Variants in MOB1A observed in about 807,000 individuals in gnomAD.
The protein encoded by MOB1A is MOB1 Mps One Binder homolog A.
In MOB1A, 10 loss-of-function variants were observed where a neutral mutation model predicts 25.1. The observed-to-expected ratio is 0.40, with a 90% CI of 0.25 to 0.68. MOB1A has a LOEUF of 0.68. Ranked by LOEUF, MOB1A falls within the 30% of genes least tolerant of loss-of-function variation. The pLI is 0.40. For missense variants in MOB1A, 177 were observed against 256.3 expected, an observed-to-expected ratio of 0.69 and a Z score of 2.11; for synonymous variants, 81 against 79.5, an observed-to-expected ratio of 1.02 and a Z score of -0.10.
intron 4 of MOB1A, among the ~76,000 whole-genome samples, chr2:74,160,486 C>T (rs946528609): frequency 6.6e-6 from 1 of 152,128 alleles, no homozygotes; most frequent in Non-Finnish European, 1.5e-5. Flanking sequence ...AGGTCAAGAC[C>T]AGCCTGGCCA....
chr2:74,166,995 TA>T lies in MOB1A; in HGVS notation c.275+18del. The T allele has an allele frequency of 1.9e-6, 3 of 1,563,420 alleles. No individual in the cohort carries two copies. Among genetic ancestry groups the T allele is most frequent in the Non-Finnish European group, 2.6e-6 (3 of 1,137,758 alleles). ...AGTAAAACTAATCCAAACACCTATA[TA>T]ATAGGCAGTATATGTACCTCGGACC... On this transcript the variant is annotated intron_variant, in intron 3 of 5. Transcript: ENST00000396049.
intron 3 of MOB1A, 82 bp from the exon 4 acceptor site, chr2:74,165,433 C>T (rs1407468269): frequency 1.2e-6 from 1 of 829,964 alleles, no homozygotes; most frequent in African/African-American, 1.8e-5. Context: ...GGTTCATTCA[C>T]ATTTTGTCAA....
chr2:74,178,730 C>T lies in MOB1A; in HGVS notation c.-56G>A, dbSNP rs1284207996. The T allele has an allele frequency of 8.3e-6, 8 of 965,358 alleles. No homozygotes were observed. Among genetic ancestry groups the T allele is most frequent in the Non-Finnish European group, 8.0e-6 (6 of 753,092 alleles). 59.8% of individuals were successfully genotyped at this position (965,358 alleles called of 1,614,324 possible). ...CCTGGCCCCCGCCTGGATCAGGATT[C>T]GGAGCTGGCTAGAGGGAGCGGACCG... On this transcript the variant is annotated 5_prime_UTR_variant, in exon 1 of 6. Transcript: ENST00000396049.
At chr2:74,168,929 G>T (rs1558836197) in intron 2 of MOB1A, among the ~76,000 whole-genome samples, 1 of 152,180 alleles carries the variant, frequency 6.6e-6, no homozygotes, top group Non-Finnish European at 1.5e-5. Flanking sequence ...TCTGAGGGAG[G>T]ATCTGTAAGG....
intron 1 of MOB1A, among the ~76,000 whole-genome samples, chr2:74,177,048 C>A (rs1268085366): frequency 6.6e-6 from 1 of 152,030 alleles, no homozygotes; most frequent in East Asian, 1.9e-4. Context: ...TCAAGAAGGC[C>A]AAGTTTTAAA....
chr2:74,162,984 C>T (rs1009789893), intron 4 of MOB1A, among the ~76,000 whole-genome samples: 16 of 152,146 alleles, frequency 1.1e-4, no homozygotes, highest in Non-Finnish European at 2.2e-4. Flanking sequence ...TCGTTAAGAA[C>T]AATTTTTGTA....
rs1474044750 is a variant in MOB1A at position 74,165,309 on chromosome 2, T to C, written c.318A>G (p.Pro106=). The C allele has an allele frequency of 6.3e-7, 1 of 1,584,094 alleles. No homozygotes were observed. Among genetic ancestry groups the C allele is most frequent in the Non-Finnish European group, 8.6e-7 (1 of 1,164,402 alleles). ...TGTATTTTGGTGCAGAACATTTGAT[T>C]GGCTTTTTAATATTAGTACCATCTG... ...HWADGTNIKK[P]IKCSAPKYID... The change falls in exon 4 of 6, where the codon CCA becomes CCG. Residue 106 remains proline, a synonymous_variant. Coordinates refer to ENST00000396049, the MANE Select transcript of MOB1A (RefSeq NM_018221.5).
chr2:74,169,229 C>T (rs1041901584), intron 2 of MOB1A, among the ~76,000 whole-genome samples: 1 of 152,166 alleles, frequency 6.6e-6, no homozygotes, highest in Non-Finnish European at 1.5e-5. Flanking sequence ...GGGCCGGGTG[C>T]AGTGGCTCAC....
chr2:74,158,202 G>GAAAA (rs11394713), intron 5 of MOB1A, among the ~76,000 whole-genome samples: 1 of 135,982 alleles, frequency 7.4e-6, no homozygotes. Flanking sequence ...AAAGAGGGGG[G>GAAAA]AAAAAAAAAA....
At chr2:74,158,650 G>A (rs761189545) in intron 5 of MOB1A, among the ~76,000 whole-genome samples, 1 of 151,866 alleles carries the variant, frequency 6.6e-6, no homozygotes, top group Non-Finnish European at 1.5e-5. Context: ...GTGGTGGTGG[G>A]CACCTGTAAT....
Position 74,165,288 on chromosome 2 carries a change from T to G in MOB1A, c.339A>C (p.Lys113Asn). 6.3e-7 allele frequency: 1 copy of G among 1,584,660 alleles called. No homozygotes were observed. Among genetic ancestry groups the G allele is most frequent in the Non-Finnish European group, 8.6e-7 (1 of 1,163,786 alleles). ...IKKPIKCSAP[K>N]YIDYLMTWVQ... The stretch of plus-strand genomic sequence containing the variant: ...CCCAAGTCATCAAATAGTCAATGTA[T>G]TTTGGTGCAGAACATTTGATTGGCT... Residue 113 changes from lysine (K) to asparagine (N), a missense_variant, in exon 4 of 6, where the codon AAA becomes AAC. Lys to Asn is a moderately conservative substitution (Grantham distance 94). Transcript: ENST00000396049.
chr2:74,178,655 A>G lies in MOB1A; in HGVS notation c.14+6T>C. On this transcript the variant is annotated splice_donor_region_variant and intron_variant, in intron 1 of 5. Coordinates refer to ENST00000396049, the MANE Select transcript of MOB1A (RefSeq NM_018221.5). ...GGCCCGGCGCCCGCGGCCCGACCCC[A>G]CTCACAAGAGGAAGCTCATCTTCGG... 1.5e-6 allele frequency: 2 copies of G among 1,371,148 alleles called. No homozygotes were observed. The highest frequency in any genetic ancestry group is 1.9e-6 in the Non-Finnish European group (2 of 1,056,930). The allele number at this position is 1,371,148 out of a possible 1,614,324, so 84.9% of individuals were successfully genotyped here. A position where few individuals can be genotyped will look rare whatever the true frequency, so the allele number is the denominator to read the frequency against.
intron 1 of MOB1A, 137 bp from the exon 2 acceptor site, chr2:74,172,889 T>C: frequency 2.2e-6 from 2 of 912,694 alleles, no homozygotes; most frequent in South Asian, 1.5e-5. Flanking sequence ...TGGTGGCTCA[T>C]GCCTGTAATC....
chr2:74,160,449 C>G (rs985777172), intron 4 of MOB1A, among the ~76,000 whole-genome samples: 4 of 152,156 alleles, frequency 2.6e-5, no homozygotes, highest in African/African-American at 9.7e-5. Flanking sequence ...CTTTGGGAGG[C>G]CGAGGGGGGC....
rs1693554161 is a variant in MOB1A, at chr2:74,178,764, T to G, written c.-90A>C. 2 of 388,168 alleles carry G rather than the reference T, an allele frequency of 5.2e-6. No homozygotes were observed. The highest frequency in any genetic ancestry group is 4.3e-5 in the African/African-American group (2 of 46,538). The allele number at this position is 388,168 out of a possible 1,614,324, so 24.0% of individuals were successfully genotyped here. Reference sequence around the variant, plus strand: ...CTAGAGGGAGCGGACCGTCCTTAGCTCACGGGCAGCGGAAGCCGGGCCGCC... The same window carrying G: ...CTAGAGGGAGCGGACCGTCCTTAGCGCACGGGCAGCGGAAGCCGGGCCGCC... On this transcript the variant is annotated 5_prime_UTR_variant, in exon 1 of 6. Coordinates refer to ENST00000396049, the MANE Select transcript of MOB1A (RefSeq NM_018221.5).
intron 5 of MOB1A, among the ~76,000 whole-genome samples, chr2:74,158,334 G>T (rs545627317): frequency 6.6e-6 from 1 of 152,010 alleles, no homozygotes; most frequent in Non-Finnish European, 1.5e-5. Context: ...ATAATACACA[G>T]TATCTACTAT....
chr2:74,163,055 A>C (rs1293877237), intron 4 of MOB1A, among the ~76,000 whole-genome samples: 1 of 152,222 alleles, frequency 6.6e-6, no homozygotes, highest in Admixed American at 6.5e-5. Context: ...ACCTCTAACC[A>C]AAAGCCAAGA....
intron 2 of MOB1A, among the ~76,000 whole-genome samples, chr2:74,168,600 AC>A (rs1693196834): frequency 6.6e-6 from 1 of 152,206 alleles, no homozygotes; most frequent in African/African-American, 2.4e-5. Context: ...CTGTGAGGGT[AC>A]CACTGCAGTC....
At chr2:74,174,827 G>C (rs1266766662) in intron 1 of MOB1A, among the ~76,000 whole-genome samples, 5 of 152,196 alleles carry the variant, frequency 3.3e-5, no homozygotes, top group African/African-American at 9.7e-5. Flanking sequence ...GAATCCTTTA[G>C]AAAAATAGGC....
Sources: allele counts gnomAD v4.1 joint callset (sites outside exome capture counted in the v4.1 genomes callset), GRCh38; gene constraint gnomAD v4.1.1; transcripts MANE v1.5; gene names NCBI Gene and HGNC (gene_info 2026-07-23, HGNC 2026-07-21).